The following OSBPL10 variants were observed in gnomAD, a reference collection of about 807,000 sequenced individuals.
OSBPL10 encodes oxysterol binding protein like 10, also known as oxysterol-binding protein-related protein 10.
OSBPL10 carries 49 observed loss-of-function variants against 81.7 expected under a neutral mutation model. The ratio of observed to expected loss-of-function variants is 0.60; its 90% CI spans 0.48 to 0.76. The LOEUF (loss-of-function observed/expected upper bound fraction) is 0.76. Ranked by LOEUF, OSBPL10 falls within the 30% of genes least tolerant of loss-of-function variation. OSBPL10 has a pLI of 0.00. For missense variants in OSBPL10, 923 were observed against 987.8 expected, an observed-to-expected ratio of 0.93 and a Z score of 0.88; for synonymous variants, 419 against 383.6, an observed-to-expected ratio of 1.09 and a Z score of -1.08.
chr3:31,787,490 G>A (rs1038452348), intron 4 of OSBPL10, among the ~76,000 whole-genome samples: 6 of 152,010 alleles, frequency 3.9e-5, no homozygotes, highest in African/African-American at 1.5e-4. Context: ...AGCTACTTGG[G>A]AGGCTGAGGC....
intron 4 of OSBPL10, among the ~76,000 whole-genome samples, chr3:31,781,301 A>G (rs1021095574): frequency 1.3e-5 from 2 of 152,206 alleles, no homozygotes; most frequent in Non-Finnish European, 2.9e-5. Context: ...ACTGGCATAG[A>G]AGGGACATCT....
intron 4 of OSBPL10, among the ~76,000 whole-genome samples, chr3:31,778,849 C>T (rs182251291): frequency 1.9e-4 from 29 of 152,238 alleles, no homozygotes; most frequent in African/African-American, 6.7e-4. Context: ...GAAAACCTAT[C>T]AGATTAACAG....
intron 3 of OSBPL10, among the ~76,000 whole-genome samples, chr3:31,859,129 GC>G (rs1700999426): frequency 6.6e-6 from 1 of 152,194 alleles, no homozygotes; most frequent in Non-Finnish European, 1.5e-5. Flanking sequence ...CTAGGTAGTA[GC>G]CTGTGAGTGG....
intron 6 of OSBPL10, among the ~76,000 whole-genome samples, chr3:31,726,275 G>C (rs1355191951): frequency 6.6e-6 from 1 of 151,910 alleles, no homozygotes; most frequent in Non-Finnish European, 1.5e-5. Context: ...AGTGTACTAA[G>C]GGGCTTCGCT....
chr3:31,952,764 C>T lies in OSBPL10; in HGVS notation c.281+28135G>A, dbSNP rs560762983. Among the ~76,000 whole-genome samples, 5 of 152,150 alleles carry T rather than the reference C, an allele frequency of 3.3e-5. No individual in the cohort carries two copies. The South Asian group carries it at 6.3e-4, about 19-fold the overall frequency. On this transcript the variant is annotated intron_variant, in intron 1 of 11. Transcript: ENST00000396556. ...ATATTAAATATTACTAAAACCTGCC[C>T]GCCTTGTGTGGTTATTAGAATTAGT...
chr3:31,702,026 T>A (rs1024282414), intron 7 of OSBPL10, among the ~76,000 whole-genome samples: 3 of 152,070 alleles, frequency 2.0e-5, no homozygotes, highest in African/African-American at 7.2e-5. Flanking sequence ...CCTACAGTTA[T>A]CTCTAGAACA....
rs58717718 is a variant in OSBPL10 at position 32,026,057 on chromosome 3, T to TAGATAGATGATA, written n.298+20433_298+20434insTATCATCTATCT. ...ATAGATAGATAGATAGATAGATAGA[T>TAGATAGATGATA]GATAGATAGATAGATAGATAGATAG... On this transcript the variant is annotated intron_variant and non_coding_transcript_variant, in intron 2 of 3. Coordinates refer to the OSBPL10 transcript ENST00000479173. 8.3e-3 allele frequency among the ~76,000 whole-genome samples: 918 copies of TAGATAGATGATA among 111,242 alleles called. 3 individuals carry two copies. The highest frequency in any genetic ancestry group is 0.014 in the African/African-American group (401 of 29,240). The allele number at this position is 111,242 out of a possible 152,430, so 73.0% of individuals were successfully genotyped here. A position where few individuals can be genotyped will look rare whatever the true frequency, so the allele number is the denominator to read the frequency against.
At position 31,881,023 on chromosome 3, in the gene OSBPL10, C is replaced by A. The variant is rs946418973; in HGVS notation, c.282-1193G>T. 2.6e-5 allele frequency among the ~76,000 whole-genome samples: 4 copies of A among 152,302 alleles called. No individual in the cohort carries two copies. The East Asian group carries it at 7.7e-4, about 29-fold the overall frequency. ...AAAAACACTTGCCCAGAATGCTACT[C>A]CCCCTGCCTGGAATATGGTTCCTAC... On this transcript the variant is annotated intron_variant, in intron 1 of 11. Transcript: ENST00000396556.
intron 3 of OSBPL10, among the ~76,000 whole-genome samples, chr3:31,870,894 A>G (rs754204491): frequency 2.0e-5 from 3 of 151,846 alleles, no homozygotes; most frequent in Non-Finnish European, 4.4e-5. Flanking sequence ...GACACTCTGT[A>G]TCTAGCTGCT....
intron 2 of OSBPL10, chr3:32,030,413 G>T (rs117285658): frequency 1.5e-6 from 1 of 655,250 alleles, no homozygotes; most frequent in African/African-American, 1.8e-5. Flanking sequence ...CATGCTGCTG[G>T]CATTGTGGTA....
chr3:31,918,698 C>T (rs1261165514), intron 1 of OSBPL10, among the ~76,000 whole-genome samples: 1 of 152,152 alleles, frequency 6.6e-6, no homozygotes, highest in African/African-American at 2.4e-5. Flanking sequence ...ACCATGGCAA[C>T]AGGGGCCCAC....
At chr3:31,783,789 T>TAAAAAA (rs869137696) in intron 4 of OSBPL10, among the ~76,000 whole-genome samples, 2 of 19,956 alleles carry the variant, frequency 1.0e-4, no homozygotes, top group African/African-American at 3.1e-4. Flanking sequence ...AGACTCCGAT[T>TAAAAAA]AAAAAAAAAA....
intron 4 of OSBPL10, among the ~76,000 whole-genome samples, chr3:31,784,645 C>T (rs897744575): frequency 2.1e-5 from 3 of 143,788 alleles, no homozygotes; most frequent in South Asian, 2.3e-4. Context: ...TACAGTGGTG[C>T]GTTCTTAGCT....
intron 1 of OSBPL10, among the ~76,000 whole-genome samples, chr3:31,978,035 A>G (rs1372325349): frequency 6.6e-6 from 1 of 152,218 alleles, no homozygotes; most frequent in Non-Finnish European, 1.5e-5. Context: ...TGAGGCTACA[A>G]ATAAAGGCAG....
At chr3:31,733,213 C>T (rs373281972) in intron 6 of OSBPL10, 44 bp downstream of exon 6, 44 of 1,594,294 alleles carry the variant, frequency 2.8e-5, no homozygotes, top group Middle Eastern at 3.3e-4. Context: ...TCTGAACAAG[C>T]GATAACACAA....
chr3:31,697,253 G>A (rs72857968), intron 7 of OSBPL10, among the ~76,000 whole-genome samples: 2,714 of 152,228 alleles, frequency 0.018, 84 homozygotes, highest in African/African-American at 0.062. Flanking sequence ...GAGAGGGAAA[G>A]GTCCTAAGAC....
chr3:31,733,796 G>A (rs1697060263), intron 5 of OSBPL10, among the ~76,000 whole-genome samples: 1 of 147,026 alleles, frequency 6.8e-6, no homozygotes, highest in Non-Finnish European at 1.5e-5. Flanking sequence ...GGTAGATCAT[G>A]AGGTCAGATC....
intron 3 of OSBPL10, among the ~76,000 whole-genome samples, chr3:31,847,142 T>C (rs1020949385): frequency 1.3e-5 from 2 of 151,534 alleles, no homozygotes; most frequent in Non-Finnish European, 2.9e-5. Context: ...ATCCACCAGG[T>C]GGTTCCCCAT....
chr3:31,863,937 ATAC>A (rs1559496812), intron 3 of OSBPL10, among the ~76,000 whole-genome samples: 6 of 152,284 alleles, frequency 3.9e-5, no homozygotes, highest in Non-Finnish European at 8.8e-5. Context: ...ACTGATACTA[ATAC>A]TACTACTAAC....
Sources: allele counts gnomAD v4.1 joint callset (sites outside exome capture counted in the v4.1 genomes callset), GRCh38; gene constraint gnomAD v4.1.1; transcripts MANE v1.5; gene names NCBI Gene and HGNC (gene_info 2026-07-23, HGNC 2026-07-21).